Variants in ZFP1 observed in about 807,000 individuals in gnomAD.
ZFP1 encodes the protein zinc finger protein 1 homolog.
ZFP1 carries 32 observed loss-of-function variants against 38.5 expected under a neutral mutation model. The observed-to-expected ratio is 0.83, with a 90% CI of 0.63 to 1.12. ZFP1 has a LOEUF of 1.12. Ranked by LOEUF, ZFP1 falls within the 50% of genes most tolerant of loss-of-function variation. ZFP1 has a pLI of 0.00. For missense variants in ZFP1, 616 were observed against 480.8 expected, an observed-to-expected ratio of 1.28 and a Z score of -2.63; for synonymous variants, 245 against 168.8, an observed-to-expected ratio of 1.45 and a Z score of -3.50.
chr16:75,127,320 G>C, the ZFP1 span, among the ~76,000 whole-genome samples: 4 of 152,054 alleles, frequency 2.6e-5, no homozygotes, highest in Non-Finnish European at 5.9e-5. Context: ...CATGATCTCA[G>C]CTCACTGCAA....
the ZFP1 span, among the ~76,000 whole-genome samples, chr16:75,141,422 G>C: frequency 6.6e-6 from 1 of 151,608 alleles, no homozygotes; most frequent in South Asian, 2.1e-4. Context: ...AGCCAGGATG[G>C]TCTCGATCTC....
the ZFP1 span, among the ~76,000 whole-genome samples, chr16:75,129,870 G>A: frequency 6.6e-6 from 1 of 152,196 alleles, no homozygotes; most frequent in Non-Finnish European, 1.5e-5. Flanking sequence ...AAGTTTTAGA[G>A]CAGGAGTGAA....
upstream of ZFP1, among the ~76,000 whole-genome samples, chr16:75,148,227 A>G (rs1315758866): frequency 6.6e-6 from 1 of 152,306 alleles, no homozygotes. Flanking sequence ...ACAGTTATAG[A>G]TTATTTGTGT....
chr16:75,145,709 G>A (rs2145479473), upstream of ZFP1, among the ~76,000 whole-genome samples: 1 of 152,226 alleles, frequency 6.6e-6, no homozygotes, highest in Admixed American at 6.5e-5. Context: ...AGAACTCCAG[G>A]GGACGATTAT....
chr16:75,130,284 A>C, the ZFP1 span, among the ~76,000 whole-genome samples: 1 of 152,116 alleles, frequency 6.6e-6, no homozygotes, highest in Non-Finnish European at 1.5e-5. Context: ...TACAGACATG[A>C]GCCACCATGT....
upstream of ZFP1, among the ~76,000 whole-genome samples, chr16:75,147,246 C>T (rs1057172051): frequency 6.6e-6 from 1 of 152,026 alleles, no homozygotes; most frequent in African/African-American, 2.4e-5. Context: ...ATCAAGTGAA[C>T]ACTAATGTAA....
At chr16:75,140,280 A>C in the ZFP1 span, among the ~76,000 whole-genome samples, 1 of 151,778 alleles carries the variant, frequency 6.6e-6, no homozygotes, top group Non-Finnish European at 1.5e-5. Flanking sequence ...AAAAAAAAAA[A>C]AGTTGAGGCC....
chr16:75,127,314 A>G, the ZFP1 span, among the ~76,000 whole-genome samples: 1 of 152,028 alleles, frequency 6.6e-6, no homozygotes, highest in African/African-American at 2.4e-5. Context: ...CAGTGGCATG[A>G]TCTCAGCTCA....
Position 75,170,260 on chromosome 16 carries a change from G to A in ZFP1, c.1150G>A (p.Glu384Lys), listed in dbSNP as rs768684406. The stretch of plus-strand genomic sequence containing the variant: ...AGGAGAGAAACCATATGAGTGTTCC[G>A]AATGTGGGAAGGCCTTTAGCAGGAA... The part of the protein sequence containing the change: ...HTGEKPYECS[E>K]CGKAFSRKSR... Residue 384 changes from glutamate (E) to lysine (K), a missense_variant, in exon 4 of 4, where the codon GAA becomes AAA. Coordinates refer to ENST00000570010, the MANE Select transcript of ZFP1 (RefSeq NM_153688.4). 15 of 1,613,442 alleles carry A rather than the reference G, an allele frequency of 9.3e-6. No individual in the cohort carries two copies. Among genetic ancestry groups the A allele is most frequent in the South Asian group, 3.3e-5 (3 of 91,006 alleles).
intron 2 of ZFP1, among the ~76,000 whole-genome samples, chr16:75,164,533 A>T (rs1048379634): frequency 1.3e-5 from 2 of 152,102 alleles, no homozygotes; most frequent in African/African-American, 4.8e-5. Flanking sequence ...CATCCAACTG[A>T]TTCTTGCTGG....
chr16:75,126,143 TAACTA>T, the ZFP1 span: 1 of 144,916 alleles, frequency 6.9e-6, no homozygotes, highest in African/African-American at 2.5e-5. Flanking sequence ...TTTAATTAAT[TAACTA>T]ATTTATTTAT....
chr16:75,169,846 G>T lies in ZFP1; in HGVS notation c.736G>T (p.Gly246Ter). The change falls in exon 4 of 4, where the codon GGA (glycine) becomes TGA (stop). Residue 246 changes from glycine (G) to a stop codon, truncating the protein, a stop_gained. Transcript: ENST00000570010. LOFTEE classifies it high-confidence loss of function. The stretch of plus-strand genomic sequence containing the variant: ...GAAACCTTTCGAGTGTCCGGAATGT[G>T]GAAAAGCTTTCACCCACCAGTCAAA... The part of the protein sequence containing the change: ...GEKPFECPEC[G>*]KAFTHQSNLI... 6.2e-7 allele frequency: 1 copy of T among 1,614,116 alleles called. No individual in the cohort carries two copies. Among genetic ancestry groups the T allele is most frequent in the Non-Finnish European group, 8.5e-7 (1 of 1,180,004 alleles).
the ZFP1 span, among the ~76,000 whole-genome samples, chr16:75,143,351 C>T: frequency 6.6e-5 from 10 of 152,116 alleles, no homozygotes; most frequent in Admixed American, 5.9e-4. Context: ...AAGCAATCCT[C>T]CTGCCTCAGC....
intron 2 of ZFP1, among the ~76,000 whole-genome samples, chr16:75,162,917 C>CTT (rs34465635): frequency 0.059 from 8,638 of 147,502 alleles, 805 homozygotes; most frequent in African/African-American, 0.19. Flanking sequence ...TGTAATTTTT[C>CTT]TTTTTTTTTT....
chr16:75,162,322 C>T (rs998160566), intron 2 of ZFP1, among the ~76,000 whole-genome samples: 2 of 151,762 alleles, frequency 1.3e-5, no homozygotes, highest in South Asian at 4.2e-4. Flanking sequence ...GGGGGTCTCG[C>T]CCTGTTGCCC....
At chr16:75,162,991 G>A (rs573640510) in intron 2 of ZFP1, among the ~76,000 whole-genome samples, 1 of 150,384 alleles carries the variant, frequency 6.6e-6, no homozygotes, top group Admixed American at 6.6e-5. Context: ...CTCACTGCAA[G>A]CTCCGCCTCC....
In ZFP1 at chr16:75,149,715, C is replaced by A. The variant is rs149845095; in HGVS notation, c.-44+1072C>A. On this transcript the variant is annotated intron_variant, in intron 1 of 3. Transcript: ENST00000570010. ...CTGGGATTACAGGCGTGAGCCACCGCGTCCGGCCAGACACAATTTATTGAT... is the reference window on the plus strand; with the variant it reads ...CTGGGATTACAGGCGTGAGCCACCGAGTCCGGCCAGACACAATTTATTGAT... Among the ~76,000 whole-genome samples the A allele has an allele frequency of 5.3e-3, 802 of 151,902 alleles. 5 individuals carry two copies. The highest frequency in any genetic ancestry group is 0.018 in the African/African-American group (762 of 41,440).
chr16:75,162,447 G>A lies in ZFP1; in HGVS notation c.16-4323G>A, dbSNP rs377508891. ...CAAGTATAGGTCAACTTAATTATCC[G>A]CCTATTTTGCTGTCTAGTCAGTGCC... On this transcript the variant is annotated intron_variant, in intron 2 of 3. Coordinates refer to ENST00000570010, the MANE Select transcript of ZFP1 (RefSeq NM_153688.4). 6.0e-4 allele frequency among the ~76,000 whole-genome samples: 92 copies of A among 152,182 alleles called. 1 individual carries two copies. Among genetic ancestry groups the A allele is most frequent in the African/African-American group, 2.1e-3 (86 of 41,536 alleles).
At chr16:75,136,759 A>T in the ZFP1 span, among the ~76,000 whole-genome samples, 1 of 152,104 alleles carries the variant, frequency 6.6e-6, no homozygotes, top group East Asian at 1.9e-4. Flanking sequence ...AGTCCTAGCT[A>T]CTTTGGGAGA....
Sources: allele counts gnomAD v4.1 joint callset (sites outside exome capture counted in the v4.1 genomes callset), GRCh38; gene constraint gnomAD v4.1.1; transcripts MANE v1.5; gene names NCBI Gene and HGNC (gene_info 2026-07-23, HGNC 2026-07-21).